Variants in TRAPPC12 observed in about 807,000 individuals in gnomAD.
TRAPPC12 encodes TPR repeat protein 15.
A neutral mutation model predicts 69.2 loss-of-function variants in TRAPPC12; 61 were observed. That is an observed-to-expected ratio of 0.88 (90% CI 0.72 to 1.09). TRAPPC12 has a LOEUF of 1.09. Among genes scored for constraint, TRAPPC12 ranks in the 50% least tolerant of loss-of-function variants. TRAPPC12 has a pLI of 0.00. For missense variants in TRAPPC12, 1,101 were observed against 1,016.4 expected, an observed-to-expected ratio of 1.08 and a Z score of -1.13; for synonymous variants, 469 against 438.9, an observed-to-expected ratio of 1.07 and a Z score of -0.86.
At chr2:3,383,378 TTCACAGTTAATTTTTGA>T (rs1313587408) in intron 1 of TRAPPC12, among the ~76,000 whole-genome samples, 1 of 152,134 alleles carries the variant, frequency 6.6e-6, no homozygotes, top group Non-Finnish European at 1.5e-5. Context: ...AGTTTTGCCT[TTCACAGTTAATTTTTGA>T]TCCCCCACCC....
At chr2:3,401,280 G>C (rs1661429399) in intron 2 of TRAPPC12, among the ~76,000 whole-genome samples, 1 of 152,180 alleles carries the variant, frequency 6.6e-6, no homozygotes, top group Admixed American at 6.5e-5. Context: ...GGCTTTCCTG[G>C]AGGTCCAGGC....
chr2:3,417,450 A>G (rs1222112567), intron 3 of TRAPPC12, among the ~76,000 whole-genome samples: 7 of 151,634 alleles, frequency 4.6e-5, no homozygotes, highest in African/African-American at 9.8e-5. Flanking sequence ...TCGTTTTCCA[A>G]ACATTTTATT....
chr2:3,421,862 GTTCTGCCGTGTC>G lies in TRAPPC12; in HGVS notation c.1165-16_1165-5del. ...GCCTTGCATGTGTGTTTGGTCACAT[GTTCTGCCGTGTC>G]TTGCAGAGCTGCAGAAACTGGAGGG... On this transcript the variant is annotated splice_polypyrimidine_tract_variant and splice_region_variant and intron_variant, in intron 3 of 11. Transcript: ENST00000324266. 5 of 1,607,470 alleles carry G rather than the reference GTTCTGCCGTGTC, an allele frequency of 3.1e-6. No individual in the cohort carries two copies. The highest frequency in any genetic ancestry group is 4.3e-6 in the Non-Finnish European group (5 of 1,174,290).
intron 3 of TRAPPC12, among the ~76,000 whole-genome samples, chr2:3,402,887 C>T (rs1286888555): frequency 6.6e-6 from 1 of 152,184 alleles, no homozygotes; most frequent in Non-Finnish European, 1.5e-5. Context: ...ACACGGTTGC[C>T]TAGAGTGGAC....
intron 5 of TRAPPC12, among the ~76,000 whole-genome samples, chr2:3,436,282 C>T (rs1663772436): frequency 6.6e-6 from 1 of 152,138 alleles, no homozygotes; most frequent in African/African-American, 2.4e-5. Context: ...GAACACAGTC[C>T]TTCACCCCAA....
At chr2:3,477,666 A>G (rs573973336) in intron 9 of TRAPPC12, 29 bp from the exon 10 acceptor site, 8 of 1,445,692 alleles carry the variant, frequency 5.5e-6, no homozygotes, top group South Asian at 4.8e-5. Context: ...TCTTTTGTCA[A>G]CTAAACTGAC....
intron 6 of TRAPPC12, among the ~76,000 whole-genome samples, chr2:3,446,423 G>GA (rs1664511023): frequency 6.6e-6 from 1 of 152,214 alleles, no homozygotes; most frequent in Non-Finnish European, 1.5e-5. Context: ...ACCCTCTTGA[G>GA]AGAGAGAGCT....
chr2:3,476,790 G>A (rs547293906), intron 9 of TRAPPC12, among the ~76,000 whole-genome samples: 4 of 152,258 alleles, frequency 2.6e-5, no homozygotes, highest in East Asian at 3.9e-4. Context: ...GGTGAGCCGC[G>A]CGCATTCAGC....
intron 3 of TRAPPC12, among the ~76,000 whole-genome samples, chr2:3,417,792 C>T (rs905339266): frequency 6.6e-6 from 1 of 152,224 alleles, no homozygotes; most frequent in African/African-American, 2.4e-5. Context: ...CCTGTAATCT[C>T]AGCACTTTGG....
At chr2:3,463,428 C>T (rs943838121) in intron 8 of TRAPPC12, among the ~76,000 whole-genome samples, 11 of 151,740 alleles carry the variant, frequency 7.2e-5, no homozygotes, top group African/African-American at 2.2e-4. Context: ...TTCTCTGCCG[C>T]GCCTGCCCCC....
At chr2:3,432,088 TAGG>T (rs1663472226) in intron 5 of TRAPPC12, among the ~76,000 whole-genome samples, 2 of 152,224 alleles carry the variant, frequency 1.3e-5, no homozygotes, top group Admixed American at 1.3e-4. Context: ...AGAGGGAAAA[TAGG>T]AGCCCAAAAG....
intron 9 of TRAPPC12, among the ~76,000 whole-genome samples, chr2:3,474,136 A>T (rs895428832): frequency 6.6e-6 from 1 of 152,274 alleles, no homozygotes; most frequent in Non-Finnish European, 1.5e-5. Flanking sequence ...TGAGAACTGG[A>T]GCTCTCCCCC....
At chr2:3,462,801 G>C in intron 8 of TRAPPC12, 1 of 432,062 alleles carries the variant, frequency 2.3e-6, no homozygotes, top group Non-Finnish European at 4.9e-6. Flanking sequence ...AGGTGGCTTG[G>C]GCCCCCCCTC....
chr2:3,428,996 TA>T lies in TRAPPC12; in HGVS notation c.1417+4334del, dbSNP rs1663277705. ...CCCTCTCAGACCCTACATCCATCCC[TA>T]GAACCCAGGGCCCAGCTTCATCCAT... is the stretch of plus-strand genomic sequence containing the variant. On this transcript the variant is annotated intron_variant, in intron 5 of 11. Coordinates refer to ENST00000324266, the MANE Select transcript of TRAPPC12 (RefSeq NM_016030.6). 2.0e-5 allele frequency among the ~76,000 whole-genome samples: 3 copies of T among 152,276 alleles called. No homozygotes were observed. In the South Asian group the frequency reaches 6.2e-4, roughly 32 times the overall value.
At chr2:3,402,635 A>G (rs1661509914) in intron 3 of TRAPPC12, among the ~76,000 whole-genome samples, 1 of 152,212 alleles carries the variant, frequency 6.6e-6, no homozygotes, top group South Asian at 2.1e-4. Flanking sequence ...CTGGATCACC[A>G]TTGCTGTACA....
intron 5 of TRAPPC12, among the ~76,000 whole-genome samples, chr2:3,427,558 C>G (rs1381360414): frequency 6.6e-6 from 1 of 152,230 alleles, no homozygotes; most frequent in African/African-American, 2.4e-5. Context: ...ATGAGTGTGA[C>G]TGAAAGGCAG....
rs377625684 is a variant in TRAPPC12, at chr2:3,412,854, C to A, written c.1165-9027C>A. Among the ~76,000 whole-genome samples the A allele has an allele frequency of 9.2e-5, 14 of 152,320 alleles. No individual in the cohort carries two copies. The East Asian group carries it at 2.5e-3, about 27-fold the overall frequency. On this transcript the variant is annotated intron_variant, in intron 3 of 11. Coordinates refer to ENST00000324266, the MANE Select transcript of TRAPPC12 (RefSeq NM_016030.6). ...CACAACTTCAATGAAATTAGGAATA[C>A]CTTTCACACAGAGCTAGGCACATAA...
intron 2 of TRAPPC12, among the ~76,000 whole-genome samples, chr2:3,394,527 A>C (rs1442793265): frequency 6.6e-6 from 1 of 152,068 alleles, no homozygotes; most frequent in African/African-American, 2.4e-5. Flanking sequence ...AGGCTGAGGC[A>C]GGAGAATCAC....
At position 3,417,846 on chromosome 2, in the gene TRAPPC12, C is replaced by T. The variant is rs368783732; in HGVS notation, c.1165-4035C>T. Among the ~76,000 whole-genome samples, 95 of 144,098 alleles carry T rather than the reference C, an allele frequency of 6.6e-4. 2 individuals are homozygous for T. The East Asian group carries it at 0.016, about 25-fold the overall frequency. 94.5% of individuals were successfully genotyped at this position (144,098 alleles called of 152,430 possible). ...TCACCGGAGGTCAGGAGCTCGAGAC[C>T]AGCCTGGCCAACATGGCGAAACCCC... On this transcript the variant is annotated intron_variant, in intron 3 of 11. Coordinates refer to ENST00000324266, the MANE Select transcript of TRAPPC12 (RefSeq NM_016030.6).
Sources: allele counts gnomAD v4.1 joint callset (sites outside exome capture counted in the v4.1 genomes callset), GRCh38; gene constraint gnomAD v4.1.1; transcripts MANE v1.5; gene names NCBI Gene and HGNC (gene_info 2026-07-23, HGNC 2026-07-21).